KCNMA1: variants seen among roughly 807,000 people sequenced by gnomAD.
KCNMA1 encodes potassium calcium-activated channel subfamily M alpha 1, also known as Calcium-activated potassium channel subunit alpha-1.
A neutral mutation model predicts 140.0 loss-of-function variants in KCNMA1; 29 were observed. That is an observed-to-expected ratio of 0.21 (90% CI 0.15 to 0.28). KCNMA1 has a LOEUF of 0.28. Ranked by LOEUF, KCNMA1 falls within the 10% of genes least tolerant of loss-of-function variation. The pLI, the probability that KCNMA1 is intolerant of heterozygous loss-of-function variation, is 1.00. For missense variants in KCNMA1, 880 were observed against 1,602.2 expected (o/e 0.55, Z 7.70); for synonymous variants, 612 against 611.9 (o/e 1.00, Z 0.00).
intron 2 of KCNMA1, among the ~76,000 whole-genome samples, chr10:77,386,045 C>T (rs1401781422): frequency 1.3e-5 from 2 of 152,186 alleles, no homozygotes; most frequent in Non-Finnish European, 2.9e-5. Flanking sequence ...GAGTTTCCCA[C>T]CAAAACTTTC....
Position 77,637,593 on chromosome 10 carries a change from C to T in KCNMA1, c.50G>A (p.Gly17Asp), listed in dbSNP as rs1180407859. The part of the protein sequence containing the change: ...GGGGSSGGGG[G>D]GGGSSLRMSS... ...CATTCTAAGACTGCTGCCTCCGCCG[C>T]CGCCGCCGCCGCCGCTGCTGCCGCC... Residue 17 changes from glycine (G) to aspartate (D), a missense_variant, in exon 1 of 28, where the codon GGC becomes GAC. Around this residue, in one of 13 missense-constraint regions of KCNMA1, gnomAD observed 94 missense variants for 92.4 expected, o/e 1.02. Coordinates refer to ENST00000286628, the MANE Select transcript of KCNMA1 (RefSeq NM_001161352.2). 1.3e-6 allele frequency: 2 copies of T among 1,527,178 alleles called. No homozygotes were observed. Among genetic ancestry groups the T allele is most frequent in the East Asian group, 4.9e-5 (2 of 40,428 alleles). The allele number at this position is 1,527,178 out of a possible 1,614,324, so 94.6% of individuals were successfully genotyped here.
chr10:77,205,025 C>T (rs1408632608), intron 3 of KCNMA1, among the ~76,000 whole-genome samples: 5 of 152,148 alleles, frequency 3.3e-5, no homozygotes, highest in African/African-American at 1.2e-4. Flanking sequence ...CAGCCCAGAG[C>T]TCCTCAGAAA....
intron 3 of KCNMA1, among the ~76,000 whole-genome samples, chr10:77,191,259 T>C (rs1309786535): frequency 6.6e-6 from 1 of 152,162 alleles, no homozygotes; most frequent in Non-Finnish European, 1.5e-5. Flanking sequence ...ATTCATAAAA[T>C]TTAAGATCAC....
At chr10:76,990,996 G>A (rs1446707010) in intron 19 of KCNMA1, among the ~76,000 whole-genome samples, 6 of 152,160 alleles carry the variant, frequency 3.9e-5, no homozygotes, top group Admixed American at 1.3e-4. Context: ...GAATCATTTG[G>A]GTGCTGCTGT....
chr10:77,372,005 G>C (rs1486239301), intron 2 of KCNMA1, among the ~76,000 whole-genome samples: 1 of 152,188 alleles, frequency 6.6e-6, no homozygotes, highest in East Asian at 1.9e-4. Flanking sequence ...CTTCCTGTTT[G>C]CACATCCTGT....
rs553660324 is a variant in KCNMA1 at position 77,321,816 on chromosome 10, T to C, written c.541-70560A>G. Reference sequence around the variant, plus strand: ...AAATCATTACTGCAGCTTGAAAGGGTTCCTAGAAAGTTCTAGTTCCATTCA... The same window carrying C: ...AAATCATTACTGCAGCTTGAAAGGGCTCCTAGAAAGTTCTAGTTCCATTCA... On this transcript the variant is annotated intron_variant, in intron 2 of 27. Coordinates refer to ENST00000286628, the MANE Select transcript of KCNMA1 (RefSeq NM_001161352.2). 1.5e-3 allele frequency among the ~76,000 whole-genome samples: 228 copies of C among 152,296 alleles called. 4 individuals are homozygous for C. The highest frequency in any genetic ancestry group is 1.8e-4 in the Non-Finnish European group (12 of 68,022).
At chr10:77,590,714 C>T (rs1410801041) in intron 1 of KCNMA1, among the ~76,000 whole-genome samples, 2 of 152,174 alleles carry the variant, frequency 1.3e-5, no homozygotes, top group Admixed American at 6.5e-5. Flanking sequence ...CCAGAGCGAG[C>T]GAGGGCTGTG....
chr10:77,428,140 A>G (rs769408996), intron 1 of KCNMA1, among the ~76,000 whole-genome samples: 21 of 152,136 alleles, frequency 1.4e-4, no homozygotes, highest in Non-Finnish European at 2.8e-4. Context: ...CACTCATTCA[A>G]TCACAGCTGA....
At chr10:77,463,438 C>G (rs1455540770) in intron 1 of KCNMA1, among the ~76,000 whole-genome samples, 1 of 148,472 alleles carries the variant, frequency 6.7e-6, no homozygotes, top group African/African-American at 2.5e-5. Flanking sequence ...ACTCTGACCT[C>G]ACAGGAGGTG....
chr10:77,096,243 G>A (rs548740326), intron 9 of KCNMA1, among the ~76,000 whole-genome samples: 1 of 152,128 alleles, frequency 6.6e-6, no homozygotes, highest in African/African-American at 2.4e-5. Flanking sequence ...TTGGGAGACT[G>A]GGGGGCGAGT....
At chr10:77,075,245 T>C (rs1393648790) in intron 13 of KCNMA1, among the ~76,000 whole-genome samples, 1 of 152,198 alleles carries the variant, frequency 6.6e-6, no homozygotes, top group Admixed American at 6.5e-5. Flanking sequence ...TATTCCTTCC[T>C]CTCCCTACTC....
At chr10:77,383,029 T>TATATATATATATATATA (rs1566450922) in intron 2 of KCNMA1, among the ~76,000 whole-genome samples, 5 of 113,572 alleles carry the variant, frequency 4.4e-5, no homozygotes, top group African/African-American at 1.7e-4. Context: ...TATATATATA[T>TATATATATATATATATA]TCCAAGTGGA....
chr10:76,893,347 T>C (rs1410904589), intron 25 of KCNMA1, among the ~76,000 whole-genome samples: 1 of 152,122 alleles, frequency 6.6e-6, no homozygotes, highest in African/African-American at 2.4e-5. Context: ...CAACTTTCCT[T>C]TGAATTTTTA....
At position 77,581,508 on chromosome 10, in the gene KCNMA1, T is replaced by C. The variant is rs533568090; in HGVS notation, c.378+55757A>G. 4.6e-5 allele frequency among the ~76,000 whole-genome samples: 7 copies of C among 152,284 alleles called. No homozygotes were observed. In the East Asian group the frequency reaches 1.4e-3, roughly 29 times the overall value. On this transcript the variant is annotated intron_variant, in intron 1 of 27. Transcript: ENST00000286628. ...TTTTAGTAGAGATGGGGTTTCACCG[T>C]GTTAGCCAGGATGGTCTCGATCTCC...
chr10:77,493,809 T>A (rs2040822276), intron 1 of KCNMA1: 1 of 152,174 alleles, frequency 6.6e-6, no homozygotes. Context: ...TCTAATGTGG[T>A]TCCAGTTGAG....
intron 2 of KCNMA1, among the ~76,000 whole-genome samples, chr10:77,319,127 C>T (rs756029733): frequency 3.9e-5 from 6 of 152,148 alleles, no homozygotes; most frequent in Non-Finnish European, 7.4e-5. Context: ...ATAACAGGTA[C>T]ATTAACTCAG....
At chr10:77,386,926 A>G (rs1382301402) in intron 2 of KCNMA1, among the ~76,000 whole-genome samples, 1 of 152,222 alleles carries the variant, frequency 6.6e-6, no homozygotes, top group East Asian at 1.9e-4. Context: ...AGGTGAGGCT[A>G]TGATGGAAGG....
intron 23 of KCNMA1, among the ~76,000 whole-genome samples, chr10:76,916,662 G>A (rs2053060042): frequency 6.6e-6 from 1 of 152,122 alleles, no homozygotes; most frequent in African/African-American, 2.4e-5. Flanking sequence ...AAATTTCCAA[G>A]GATAAAACTC....
Position 77,277,827 on chromosome 10 carries a change from A to G in KCNMA1, c.541-26571T>C, listed in dbSNP as rs143259724. Among the ~76,000 whole-genome samples the G allele has an allele frequency of 1.5e-3, 222 of 152,328 alleles. 3 individuals are homozygous for G. The East Asian group carries it at 0.037, about 25-fold the overall frequency. ...CAAGTACCACAATTGGAGAAGGATG[A>G]TCTCCAAAGCTGCCTGGGAAGTCTG... On this transcript the variant is annotated intron_variant, in intron 2 of 27. Coordinates refer to ENST00000286628, the MANE Select transcript of KCNMA1 (RefSeq NM_001161352.2).
Sources: allele counts gnomAD v4.1 joint callset (sites outside exome capture counted in the v4.1 genomes callset), GRCh38; gene constraint gnomAD v4.1.1; regional missense constraint gnomAD v4.1.1; transcripts MANE v1.5; gene names NCBI Gene and HGNC (gene_info 2026-07-23, HGNC 2026-07-21).